ZFC3H1: variants seen among roughly 807,000 people sequenced by gnomAD.
ZFC3H1 encodes zinc finger C3H1 domain-containing protein.
ZFC3H1 carries 71 observed loss-of-function variants against 243.7 expected under a neutral mutation model. The observed-to-expected ratio is 0.29, with a 90% CI of 0.24 to 0.36. ZFC3H1 has a LOEUF of 0.36. ZFC3H1 is among the 10% of genes least tolerant of loss of function. The pLI, the probability that ZFC3H1 is intolerant of heterozygous loss-of-function variation, is 1.00. For synonymous variants in ZFC3H1, 838 were observed against 813.0 expected (o/e 1.03, Z -0.52); for missense variants, 1,966 against 2,317.1 (o/e 0.85, Z 3.11).
chr12:71,619,829 C>T, intron 26 of ZFC3H1, 97 bp downstream of exon 26: 1 of 1,142,066 alleles, frequency 8.8e-7, no homozygotes, highest in Non-Finnish European at 1.2e-6. Flanking sequence ...ACACTGCTTG[C>T]AAAGGGTAAA....
chr12:71,661,941 C>G (rs771520574), intron 1 of ZFC3H1, among the ~76,000 whole-genome samples: 2 of 152,188 alleles, frequency 1.3e-5, no homozygotes, highest in Non-Finnish European at 2.9e-5. Context: ...AAGACCTATT[C>G]TGGACCTAAG....
chr12:71,644,357 G>A (rs1349860856), intron 4 of ZFC3H1, 39 bp from the exon 5 acceptor site: 2 of 1,568,108 alleles, frequency 1.3e-6, no homozygotes, highest in Non-Finnish European at 8.6e-7. Flanking sequence ...CATCTGTTAG[G>A]AGATAAAAGA....
At chr12:71,656,593 G>A in intron 2 of ZFC3H1, 1 of 627,658 alleles carries the variant, frequency 1.6e-6, no homozygotes, top group Non-Finnish European at 2.8e-6. Context: ...ATATTTAATG[G>A]TAAATGTCAA....
intron 24 of ZFC3H1, among the ~76,000 whole-genome samples, chr12:71,622,890 G>A (rs1438358201): frequency 2.6e-5 from 4 of 152,154 alleles, no homozygotes; most frequent in Non-Finnish European, 5.9e-5. Context: ...CCTTCAGGAA[G>A]AGGCTTTATA....
At chr12:71,653,086 T>A (rs752883009) in intron 2 of ZFC3H1, among the ~76,000 whole-genome samples, 1 of 151,694 alleles carries the variant, frequency 6.6e-6, no homozygotes, top group Non-Finnish European at 1.5e-5. Flanking sequence ...ATACTGAAAA[T>A]TAGCAGGGAT....
chr12:71,622,058 T>C (rs1039204205), intron 24 of ZFC3H1, among the ~76,000 whole-genome samples: 2 of 152,228 alleles, frequency 1.3e-5, no homozygotes, highest in Non-Finnish European at 2.9e-5. Context: ...ACTACTATTG[T>C]CCAGCACAGA....
Position 71,663,819 on chromosome 12 carries a change from G to T in ZFC3H1, c.-209C>A, listed in dbSNP as rs555450657. ...TCGCAACCCAGTTCCCTTTCCTAGCGCCCCCTTGCTCCTCAGCGATCGGGG... is the reference window on the plus strand; with the variant it reads ...TCGCAACCCAGTTCCCTTTCCTAGCTCCCCCTTGCTCCTCAGCGATCGGGG... On this transcript the variant is annotated 5_prime_UTR_variant, in exon 1 of 35. Transcript: ENST00000378743. 4.5e-5 allele frequency: 27 copies of T among 601,072 alleles called. No individual in the cohort carries two copies. The highest frequency in any genetic ancestry group is 4.4e-4 in the African/African-American group (24 of 53,974). The allele number at this position is 601,072 out of a possible 1,614,324, so 37.2% of individuals were successfully genotyped here.
chr12:71,642,524 C>T lies in ZFC3H1; in HGVS notation c.1539G>A (p.Lys513=). 1 of 1,613,250 alleles carries T rather than the reference C, an allele frequency of 6.2e-7. No individual in the cohort carries two copies. The highest frequency in any genetic ancestry group is 8.5e-7 in the Non-Finnish European group (1 of 1,179,632). ...TGCCTCCTCCACTATCAGTAGGTTG[C>T]TTATCTAAGGATCGCCTCAGGTCAG... ...SDPDLRRSLD[K]QPTDSGGGIY... The change falls in exon 6 of 35, where the codon AAG becomes AAA. Residue 513 remains lysine (K), a synonymous_variant. Transcript: ENST00000378743.
At chr12:71,640,775 G>GA (rs940356626) in intron 6 of ZFC3H1, among the ~76,000 whole-genome samples, 3 of 151,516 alleles carry the variant, frequency 2.0e-5, no homozygotes, top group East Asian at 1.9e-4. Flanking sequence ...GTATCCTAGT[G>GA]AAAAAAAATA....
chr12:71,646,578 C>G (rs1880735002), intron 3 of ZFC3H1, among the ~76,000 whole-genome samples: 1 of 152,200 alleles, frequency 6.6e-6, no homozygotes, highest in African/African-American at 2.4e-5. Context: ...GCTATCCTCA[C>G]TGTTCCATTG....
chr12:71,647,622 A>G, intron 3 of ZFC3H1, 127 bp downstream of exon 3: 1 of 563,012 alleles, frequency 1.8e-6, no homozygotes, highest in Non-Finnish European at 3.1e-6. Flanking sequence ...TTATGTCCAA[A>G]TGGAGTTATA....
At position 71,635,299 on chromosome 12, in the gene ZFC3H1, C is replaced by T. The variant is rs899746638; in HGVS notation, c.2238+144G>A. The T allele has an allele frequency of 7.7e-6, 8 of 1,043,022 alleles. No homozygotes were observed. In the African/African-American group the frequency reaches 1.2e-4, roughly 16 times the overall value. The allele number at this position is 1,043,022 out of a possible 1,614,324, so 64.6% of individuals were successfully genotyped here. On this transcript the variant is annotated intron_variant, in intron 10 of 34. Transcript: ENST00000378743. ...TGATACATGCTTCATTATATAAAGT[C>T]CTAATAGCACAAATACTTAAAATAT...
At chr12:71,623,890 C>T (rs1880093015) in intron 23 of ZFC3H1, among the ~76,000 whole-genome samples, 2 of 152,060 alleles carry the variant, frequency 1.3e-5, no homozygotes, top group Admixed American at 1.3e-4. Context: ...TCATTGAAAA[C>T]TTATAAAAAC....
In ZFC3H1 at chr12:71,642,578, T is replaced by C. The variant is rs1185635827; in HGVS notation, c.1504-19A>G. The C allele has an allele frequency of 1.3e-6, 2 of 1,588,776 alleles. No homozygotes were observed. Among genetic ancestry groups the C allele is most frequent in the Admixed American group, 3.6e-5 (2 of 55,882 alleles). ...CTGAAGACTAAGTATACAACACTTTTTTAGTTTCAAAGCATTTTCTGTCTT... is the reference window on the plus strand; with the variant it reads ...CTGAAGACTAAGTATACAACACTTTCTTAGTTTCAAAGCATTTTCTGTCTT... On this transcript the variant is annotated intron_variant, in intron 5 of 34. Coordinates refer to ENST00000378743, the MANE Select transcript of ZFC3H1 (RefSeq NM_144982.5).
chr12:71,634,617 C>T, intron 11 of ZFC3H1, 87 bp downstream of exon 11: 1 of 1,390,164 alleles, frequency 7.2e-7, no homozygotes, highest in Admixed American at 2.4e-5. Context: ...ACTATCATCA[C>T]TCATTCCCCA....
intron 9 of ZFC3H1, 114 bp downstream of exon 9, chr12:71,636,376 G>T: frequency 1.3e-6 from 1 of 751,170 alleles, no homozygotes; most frequent in Admixed American, 3.6e-5. Flanking sequence ...GTATTTATAT[G>T]TGAATATATG....
chr12:71,630,667 C>T lies in ZFC3H1; in HGVS notation c.3657G>A (p.Leu1219=), dbSNP rs1237309210. The T allele has an allele frequency of 3.1e-6, 5 of 1,613,586 alleles. No homozygotes were observed. Among genetic ancestry groups the T allele is most frequent in the Non-Finnish European group, 4.2e-6 (5 of 1,179,782 alleles). ...LSRKQLFQDI[L]SYNLSLIGCA... The stretch of plus-strand genomic sequence containing the variant: ...AACCAATCAAAGACAGATTATATGA[C>T]AGAATGTCCTGGAATAACTGTTTTC... The change falls in exon 18 of 35, where the codon CTG becomes CTA. Residue 1219 remains leucine, a synonymous_variant. Coordinates refer to ENST00000378743, the MANE Select transcript of ZFC3H1 (RefSeq NM_144982.5).
At chr12:71,661,474 T>C (rs1324966070) in intron 1 of ZFC3H1, among the ~76,000 whole-genome samples, 1 of 145,106 alleles carries the variant, frequency 6.9e-6, no homozygotes, top group African/African-American at 2.7e-5. Context: ...TAAATATCTA[T>C]ATAATTTTCC....
At chr12:71,643,461 T>C (rs565793018) in intron 5 of ZFC3H1, among the ~76,000 whole-genome samples, 1 of 152,210 alleles carries the variant, frequency 6.6e-6, no homozygotes, top group South Asian at 2.1e-4. Context: ...ATTCCTTGCT[T>C]AAGCAAACCT....
Sources: gnomAD v4.1 joint callset for allele counts (sites outside exome capture counted in the v4.1 genomes callset) on GRCh38, gnomAD v4.1.1 for gene constraint, MANE v1.5 for transcripts, NCBI Gene and HGNC (gene_info 2026-07-23, HGNC 2026-07-21) for gene names.